RMDN2: variants seen among roughly 807,000 people sequenced by gnomAD.
RMDN2 encodes the protein regulator of microtubule dynamics protein 2.
Under a neutral mutation model 52.8 loss-of-function variants are expected in RMDN2, and 61 were observed. That is an observed-to-expected ratio of 1.16 (90% CI 0.94 to 1.43). The LOEUF (loss-of-function observed/expected upper bound fraction) is 1.43, where lower values mean the gene tolerates loss of function less well. Ranked by LOEUF, RMDN2 falls within the 40% of genes most tolerant of loss-of-function variation. The probability of loss-of-function intolerance (pLI) is 0.00; values close to 1 mark genes in which losing one functional copy is unlikely to be tolerated. For missense variants in RMDN2, 592 were observed against 475.3 expected (o/e 1.25, Z -2.28); for synonymous variants, 180 against 153.1 (o/e 1.18, Z -1.30).
intron 2 of RMDN2, among the ~76,000 whole-genome samples, chr2:37,959,677 C>G (rs1033178247): frequency 6.6e-6 from 1 of 150,808 alleles, no homozygotes; most frequent in African/African-American, 2.5e-5. Context: ...TTAGTTATTT[C>G]TCATCTTCTG....
chr2:38,022,045 T>C (rs1456034566), downstream of RMDN2, among the ~76,000 whole-genome samples: 4 of 152,190 alleles, frequency 2.6e-5, no homozygotes. Flanking sequence ...ATAAATAACT[T>C]GTCACAGACC....
chr2:37,967,748 A>T (rs533664426), intron 2 of RMDN2, among the ~76,000 whole-genome samples: 51 of 152,342 alleles, frequency 3.3e-4, no homozygotes, highest in African/African-American at 1.2e-3. Context: ...GGAAATCATT[A>T]GGCTTCCACC....
At chr2:38,020,073 C>CT (rs34368193), downstream of RMDN2, among the ~76,000 whole-genome samples, 1 of 152,250 alleles carries the variant, frequency 6.6e-6, no homozygotes, top group East Asian at 1.9e-4. Flanking sequence ...GGTCCCCAAC[C>CT]TTTTTTGGCA....
intron 2 of RMDN2, among the ~76,000 whole-genome samples, chr2:37,942,040 C>G (rs1667837924): frequency 1.3e-5 from 2 of 152,088 alleles, no homozygotes; most frequent in African/African-American, 4.8e-5. Flanking sequence ...GTGTAGGCAC[C>G]CGAGGAAATC....
intron 10 of RMDN2, among the ~76,000 whole-genome samples, chr2:38,004,608 C>T (rs1248301023): frequency 6.6e-6 from 1 of 152,004 alleles, no homozygotes; most frequent in Non-Finnish European, 1.5e-5. Context: ...ACTGTGTACC[C>T]TAGACCAATA....
intron 2 of RMDN2, chr2:37,951,300 C>T (rs528336446): frequency 6.2e-7 from 1 of 1,612,296 alleles, no homozygotes; most frequent in Non-Finnish European, 8.5e-7. Flanking sequence ...AGACGCCCAG[C>T]ATCGTGGAGC....
chr2:37,940,761 T>C (rs1667714698), intron 2 of RMDN2, among the ~76,000 whole-genome samples: 1 of 152,200 alleles, frequency 6.6e-6, no homozygotes, highest in Admixed American at 6.5e-5. Flanking sequence ...TGTTCTTCTC[T>C]AAACTTGTTA....
chr2:37,992,902 G>GT (rs1293995629), intron 7 of RMDN2, among the ~76,000 whole-genome samples: 1 of 151,864 alleles, frequency 6.6e-6, no homozygotes, highest in Non-Finnish European at 1.5e-5. Flanking sequence ...AACACAAGCA[G>GT]TTTGTTTCTT....
intron 2 of RMDN2, chr2:37,952,739 G>A (rs1288218747): frequency 1.3e-5 from 2 of 153,358 alleles, no homozygotes; most frequent in Non-Finnish European, 2.9e-5. Flanking sequence ...AATCAAATTA[G>A]AAGTTAAAAA....
intron 8 of RMDN2, among the ~76,000 whole-genome samples, chr2:37,999,939 G>A (rs148104264): frequency 7.9e-5 from 12 of 152,072 alleles, no homozygotes; most frequent in South Asian, 4.1e-4. Flanking sequence ...TTCTTCATCC[G>A]TGAAATGGCC....
chr2:37,934,384 T>C (rs2124906864), intron 2 of RMDN2, among the ~76,000 whole-genome samples: 1 of 152,270 alleles, frequency 6.6e-6, no homozygotes, highest in East Asian at 1.9e-4. Flanking sequence ...GATTTTCTGC[T>C]GGGTATGGTG....
intron 10 of RMDN2, among the ~76,000 whole-genome samples, chr2:38,061,733 G>C (rs1682060988): frequency 6.6e-6 from 1 of 152,084 alleles, no homozygotes; most frequent in South Asian, 2.1e-4. Context: ...TCAGCTCCAT[G>C]AGGTCAGGGC....
At chr2:37,922,407 A>G (rs1238690454), upstream of RMDN2, among the ~76,000 whole-genome samples, 1 of 140,300 alleles carries the variant, frequency 7.1e-6, no homozygotes, top group East Asian at 2.4e-4. Flanking sequence ...AAATAAAACC[A>G]CTCAAATAAA....
At chr2:37,989,670 T>C (rs928774216) in intron 6 of RMDN2, 54 bp downstream of exon 6, 11 of 1,141,172 alleles carry the variant, frequency 9.6e-6, no homozygotes, top group Admixed American at 2.0e-5. Flanking sequence ...TATGGAAGGG[T>C]ATTTATTAAT....
At chr2:37,977,925 CG>C (rs1290791081) in intron 4 of RMDN2, among the ~76,000 whole-genome samples, 5 of 152,042 alleles carry the variant, frequency 3.3e-5, no homozygotes, top group African/African-American at 1.2e-4. Flanking sequence ...GGGTGGCGGC[CG>C]GGCAGAGGCT....
chr2:38,011,289 A>G (rs1677955010), intron 10 of RMDN2, among the ~76,000 whole-genome samples: 1 of 152,232 alleles, frequency 6.6e-6, no homozygotes. Context: ...CCTTTGATTC[A>G]GTAAGTCAGG....
In RMDN2 at chr2:37,952,464, A is replaced by G; in HGVS notation, c.453-21576A>G. The G allele has an allele frequency of 8.3e-6, 4 of 480,230 alleles. No homozygotes were observed. In the East Asian group the frequency reaches 1.2e-4, roughly 15 times the overall value. The allele number at this position is 480,230 out of a possible 1,614,324, so 29.7% of individuals were successfully genotyped here. A position where few individuals can be genotyped will look rare whatever the true frequency, so the allele number is the denominator to read the frequency against. ...CAGATTTACTGCTTAAAGATGGGCT[A>G]ATCTCAGATTTCTGAGTGACTATTA... On this transcript the variant is annotated intron_variant, in intron 2 of 10. Transcript: ENST00000354545.
chr2:37,976,104 A>T (rs568600422), intron 4 of RMDN2, among the ~76,000 whole-genome samples: 5 of 152,380 alleles, frequency 3.3e-5, no homozygotes, highest in African/African-American at 1.2e-4. Context: ...ATGTATCTTG[A>T]TGAAACAAGA....
At chr2:37,978,787 G>GATAGATAGATAGATA (rs1672910094) in intron 4 of RMDN2, among the ~76,000 whole-genome samples, 1 of 149,274 alleles carries the variant, frequency 6.7e-6, no homozygotes, top group Non-Finnish European at 1.5e-5. Context: ...CAGATAGATA[G>GATAGATAGATAGATA]ATAGATAGAT....
Sources: allele counts gnomAD v4.1 joint callset (sites outside exome capture counted in the v4.1 genomes callset), GRCh38; gene constraint gnomAD v4.1.1; transcripts MANE v1.5; gene names NCBI Gene and HGNC (gene_info 2026-07-23, HGNC 2026-07-21).